PDE1C: variants seen among roughly 807,000 people sequenced by gnomAD.
PDE1C encodes phosphodiesterase 1C.
A neutral mutation model predicts 93.1 loss-of-function variants in PDE1C; 62 were observed. The ratio of observed to expected loss-of-function variants is 0.67; its 90% CI spans 0.54 to 0.82. The LOEUF is 0.82. Ranked by LOEUF, PDE1C falls within the 40% of genes least tolerant of loss-of-function variation. The pLI is 0.00. For missense variants in PDE1C, 742 were observed against 884.6 expected (o/e 0.84, Z 2.04); for synonymous variants, 325 against 310.1 (o/e 1.05, Z -0.50).
chr7:31,763,073 C>T (rs779117245), intron 17 of PDE1C, among the ~76,000 whole-genome samples: 1 of 152,126 alleles, frequency 6.6e-6, no homozygotes, highest in African/African-American at 2.4e-5. Context: ...GGAGCCCAAA[C>T]ATCAGTATGT....
Position 32,389,157 on chromosome 7 carries a change from C to CTGTGT in PDE1C, c.310+38664_310+38665insACACA, listed in dbSNP as rs5883344. ...GAACAACCTTTAAACTGATAGCTGA[C>CTGTGT]GTGTGTGTGTGTGTGTGTGTGTGTG... is the stretch of plus-strand genomic sequence containing the variant. On this transcript the variant is annotated intron_variant, in intron 1 of 1. Coordinates refer to the PDE1C transcript ENST00000672256. 2.9e-5 allele frequency among the ~76,000 whole-genome samples: 4 copies of CTGTGT among 135,782 alleles called. No individual in the cohort carries two copies. The South Asian group carries it at 7.6e-4, about 26-fold the overall frequency. 89.1% of individuals were successfully genotyped at this position (135,782 alleles called of 152,430 possible).
At chr7:31,742,350 C>A in the PDE1C span, among the ~76,000 whole-genome samples, 1 of 152,300 alleles carries the variant, frequency 6.6e-6, no homozygotes, top group African/African-American at 2.4e-5. Flanking sequence ...GTTTCTGTTT[C>A]TTTTAATAAC....
Position 32,191,407 on chromosome 7 carries a change from C to A in PDE1C, c.136+18082G>T, listed in dbSNP as rs567851542. On this transcript the variant is annotated intron_variant, in intron 2 of 18. Transcript: ENST00000396193. ...TTCCACCCTACCCCCTCTTTTAACC[C>A]CCAACAGTCACTAGTCTGTTCTCTA... Among the ~76,000 whole-genome samples the A allele has an allele frequency of 7.9e-5, 12 of 152,174 alleles. No homozygotes were observed. The South Asian group carries it at 2.5e-3, about 32-fold the overall frequency.
the PDE1C span, among the ~76,000 whole-genome samples, chr7:31,639,055 G>A: frequency 6.6e-6 from 1 of 152,136 alleles, no homozygotes; most frequent in African/African-American, 2.4e-5. Context: ...GGGATTACAG[G>A]TGTGAGCCAC....
At chr7:32,010,664 G>A (rs943384697) in intron 2 of PDE1C, among the ~76,000 whole-genome samples, 2 of 152,198 alleles carry the variant, frequency 1.3e-5, no homozygotes, top group African/African-American at 4.8e-5. Context: ...CAATTATGGA[G>A]GCTAGAAGTC....
intron 2 of PDE1C, among the ~76,000 whole-genome samples, chr7:31,886,131 G>A (rs76735198): frequency 0.076 from 11,587 of 152,146 alleles, 579 homozygotes; most frequent in Middle Eastern, 0.14. Context: ...TGTCCCAATG[G>A]ATCATGAGCC....
chr7:32,418,092 G>C (rs1785311980), intron 1 of PDE1C, among the ~76,000 whole-genome samples: 1 of 152,222 alleles, frequency 6.6e-6, no homozygotes, highest in South Asian at 2.1e-4. Context: ...GGGCTCAAGT[G>C]ATCCTCCAGC....
At position 32,360,569 on chromosome 7, in the gene PDE1C, G is replaced by A. The variant is rs188771903; in HGVS notation, c.310+67253C>T. Among the ~76,000 whole-genome samples the A allele has an allele frequency of 6.9e-3, 1,055 of 152,298 alleles. 4 individuals carry two copies. The highest frequency in any genetic ancestry group is 0.024 in the African/African-American group (988 of 41,550). ...TTTGGAGGAGGAGGAGAAACCTGGG[G>A]CCAGCTTCATGGGGTGTAACAGGTG... is the stretch of plus-strand genomic sequence containing the variant. On this transcript the variant is annotated intron_variant, in intron 1 of 1. Transcript: ENST00000672256.
intron 17 of PDE1C, among the ~76,000 whole-genome samples, 154 bp from the exon 18 acceptor site, chr7:31,753,707 T>G (rs1029905010): frequency 6.6e-6 from 1 of 152,186 alleles, no homozygotes; most frequent in Non-Finnish European, 1.5e-5. Context: ...TTATGGCAGA[T>G]AGATGAATAA....
chr7:31,796,582 CATG>C (rs763597171), intron 16 of PDE1C, among the ~76,000 whole-genome samples: 5 of 151,694 alleles, frequency 3.3e-5, no homozygotes, highest in Non-Finnish European at 7.4e-5. Context: ...ATGCTAGAAC[CATG>C]AATAAGTAAC....
Position 31,939,178 on chromosome 7 carries a change from A to G in PDE1C, c.129-58318T>C, listed in dbSNP as rs112805620. Among the ~76,000 whole-genome samples the G allele has an allele frequency of 2.2e-3, 340 of 152,290 alleles. 2 individuals carry two copies. The highest frequency in any genetic ancestry group is 7.9e-3 in the African/African-American group (327 of 41,570). ...TCAGTTGCTATGGTTTTAAAAATTC[A>G]TGTAGAAGAATCTCTCTGTTAAACA... On this transcript the variant is annotated intron_variant, in intron 2 of 17. Coordinates refer to ENST00000396191, the MANE Select transcript of PDE1C (RefSeq NM_001191057.4).
At chr7:31,717,419 C>A in the PDE1C span, among the ~76,000 whole-genome samples, 1 of 152,174 alleles carries the variant, frequency 6.6e-6, no homozygotes, top group African/African-American at 2.4e-5. Context: ...AGGTTGCCTG[C>A]CTTCAGCCTT....
chr7:31,926,058 T>C (rs184239152), intron 2 of PDE1C, among the ~76,000 whole-genome samples: 25 of 152,186 alleles, frequency 1.6e-4, no homozygotes, highest in African/African-American at 5.5e-4. Flanking sequence ...ACATTACAGT[T>C]TGTAAACAGA....
At position 31,837,227 on chromosome 7, in the gene PDE1C, G is replaced by A; in HGVS notation, c.1156C>T (p.Leu386Phe). The A allele has an allele frequency of 1.2e-6, 2 of 1,613,844 alleles. No homozygotes were observed. Among genetic ancestry groups the A allele is most frequent in the East Asian group, 2.2e-5 (1 of 44,824 alleles). Residue 386 changes from leucine (L) to phenylalanine (F), a missense_variant, in exon 11 of 18, where the codon CTC (leucine) becomes TTC (phenylalanine). Physicochemically the swap from Leu to Phe is conservative, Grantham distance 22. Around this residue, in one of 4 missense-constraint regions of PDE1C, gnomAD observed 454 missense variants for 459.4 expected, o/e 0.99. Transcript: ENST00000396191. Reference sequence around the variant, plus strand: ...AGTGACATTGTCCAGCGATGATGGAGGTCCCATGCTTTTGCTGGATGGCTA... The same window carrying A: ...AGTGACATTGTCCAGCGATGATGGAAGTCCCATGCTTTTGCTGGATGGCTA... ...DISHPAKAWD[L>F]HHRWTMSLLE...
At chr7:31,800,518 C>A (rs1026125887) in intron 16 of PDE1C, among the ~76,000 whole-genome samples, 1 of 151,446 alleles carries the variant, frequency 6.6e-6, no homozygotes, top group Non-Finnish European at 1.5e-5. Flanking sequence ...ATTGTCTTTG[C>A]CCTTTATTAA....
intron 3 of PDE1C, among the ~76,000 whole-genome samples, chr7:32,092,321 ATCT>A (rs1797517772): frequency 1.3e-5 from 2 of 152,094 alleles, no homozygotes; most frequent in Non-Finnish European, 2.9e-5. Flanking sequence ...AGGCTGCATA[ATCT>A]TCTCTCCTGC....
the PDE1C span, chr7:31,653,210 C>T: frequency 5.4e-6 from 1 of 184,220 alleles, no homozygotes. Flanking sequence ...CAGGTCTGTG[C>T]CTTTCTCCAA....
At chr7:31,845,766 G>A (rs747375491) in intron 9 of PDE1C, among the ~76,000 whole-genome samples, 9 of 152,124 alleles carry the variant, frequency 5.9e-5, no homozygotes, top group Non-Finnish European at 1.0e-4. Flanking sequence ...CAAGGCTAGT[G>A]GGTCATTTGA....
At chr7:31,679,342 A>T in the PDE1C span, among the ~76,000 whole-genome samples, 1 of 152,246 alleles carries the variant, frequency 6.6e-6, no homozygotes, top group Non-Finnish European at 1.5e-5. Context: ...TTTTCTTGAA[A>T]TCAAGTGCAG....
Sources: gnomAD v4.1 joint callset for allele counts (sites outside exome capture counted in the v4.1 genomes callset) on GRCh38, gnomAD v4.1.1 for gene constraint, gnomAD v4.1.1 regional missense constraint, MANE v1.5 for transcripts, NCBI Gene and HGNC (gene_info 2026-07-23, HGNC 2026-07-21) for gene names.